LGI1: variants seen among roughly 807,000 people sequenced by gnomAD.
LGI1 encodes the protein leucine rich glioma inactivated 1, also known as leucine-rich glioma-inactivated protein 1.
A neutral mutation model predicts 57.7 loss-of-function variants in LGI1; 11 were observed. That is an observed-to-expected ratio of 0.19 (90% confidence interval 0.12 to 0.32). The LOEUF (loss-of-function observed/expected upper bound fraction) is 0.32, where lower values mean the gene tolerates loss of function less well. LGI1 is among the 10% of genes least tolerant of loss of function. LGI1 has a pLI of 1.00. For missense variants in LGI1, 422 were observed against 661.9 expected (o/e 0.64, Z 3.98); for synonymous variants, 222 against 241.9 (o/e 0.92, Z 0.76).
In LGI1 at chr10:93,758,198, A is replaced by G. The variant is rs2059584192; in HGVS notation, c.54A>G (p.Arg18=). ...GAAATGCCTGCATTCCCCTGAAAAGAATTGCTTATTTCCTATGTCTCTTAT... is the reference window on the plus strand; with the variant it reads ...GAAATGCCTGCATTCCCCTGAAAAGGATTGCTTATTTCCTATGTCTCTTAT... ...RMGNACIPLK[R]IAYFLCLLSA... The change falls in exon 1 of 8, where the codon AGA becomes AGG. Residue 18 remains arginine (R), a synonymous_variant. Coordinates refer to ENST00000371418, the MANE Select transcript of LGI1 (RefSeq NM_005097.4). This position sits in a 1 kb window ranked among gnomAD's most constrained non-coding sequence, Gnocchi z 4.7. The G allele has an allele frequency of 6.2e-7, 1 of 1,614,188 alleles. No individual in the cohort carries two copies. The highest frequency in any genetic ancestry group is 8.5e-7 in the Non-Finnish European group (1 of 1,180,026).
rs144101819 is a variant in LGI1 at position 93,785,756 on chromosome 10, A to T, written c.432-4343A>T. On this transcript the variant is annotated intron_variant, in intron 4 of 7. Coordinates refer to ENST00000371418, the MANE Select transcript of LGI1 (RefSeq NM_005097.4). Reference sequence around the variant, plus strand: ...TTTCTGGTAGCAAAACTCGGTGCAGAGGTGGAATCTGAAGAATCAAATAAT... The same window carrying T: ...TTTCTGGTAGCAAAACTCGGTGCAGTGGTGGAATCTGAAGAATCAAATAAT... Among the ~76,000 whole-genome samples the T allele has an allele frequency of 5.6e-3, 273 of 48,330 alleles. 73 individuals are homozygous for T. The highest frequency in any genetic ancestry group is 0.013 in the Admixed American group (38 of 2,884). The allele number at this position is 48,330 out of a possible 152,430, so 31.7% of individuals were successfully genotyped here.
chr10:93,759,536 T>C (rs2059602111), intron 2 of LGI1, among the ~76,000 whole-genome samples: 1 of 152,108 alleles, frequency 6.6e-6, no homozygotes, highest in Non-Finnish European at 1.5e-5. Flanking sequence ...ACACATAAAA[T>C]TTGTTCTGAT....
chr10:93,759,811 G>A (rs1414143406), intron 2 of LGI1, among the ~76,000 whole-genome samples: 2 of 152,134 alleles, frequency 1.3e-5, no homozygotes, highest in African/African-American at 4.8e-5. Context: ...ATACACAGAG[G>A]CAAACAGCAT....
chr10:93,764,591 G>A (rs2059655392), intron 2 of LGI1: 1 of 152,100 alleles, frequency 6.6e-6, no homozygotes, highest in African/African-American at 2.4e-5. Context: ...ACAGACTTGT[G>A]GGCAGATAAG....
intron 7 of LGI1, among the ~76,000 whole-genome samples, chr10:93,796,266 G>C (rs2059978839): frequency 1.3e-5 from 2 of 152,178 alleles, no homozygotes; most frequent in Non-Finnish European, 2.9e-5. Context: ...TTCTTTGCAG[G>C]GGAAAGGCAA....
At chr10:93,781,215 C>G (rs189191457) in intron 4 of LGI1, among the ~76,000 whole-genome samples, 2 of 151,806 alleles carry the variant, frequency 1.3e-5, no homozygotes, top group Non-Finnish European at 2.9e-5. Context: ...AAAAATTAGC[C>G]GGGCGTGGTG....
rs553729915 is a variant in LGI1, at chr10:93,773,840, T to C, written c.288-3539T>C. Among the ~76,000 whole-genome samples the C allele has an allele frequency of 3.1e-4, 47 of 152,268 alleles. No individual in the cohort carries two copies. In the South Asian group the frequency reaches 9.5e-3, roughly 31 times the overall value. ...AGAGGAGAAACCTCAAGTGTTCCCATGGAACTGGGGCAGAGGGCAAATTCC... is the reference window on the plus strand; with the variant it reads ...AGAGGAGAAACCTCAAGTGTTCCCACGGAACTGGGGCAGAGGGCAAATTCC... On this transcript the variant is annotated intron_variant, in intron 2 of 7. Transcript: ENST00000371418.
At chr10:93,762,285 G>A (rs2059632541) in intron 2 of LGI1, among the ~76,000 whole-genome samples, 3 of 152,136 alleles carry the variant, frequency 2.0e-5, no homozygotes, top group Admixed American at 1.3e-4. Context: ...CAAAGGAGGG[G>A]AATAGCGTTA....
At chr10:93,762,816 G>A (rs548953416) in intron 2 of LGI1, 2 of 152,194 alleles carry the variant, frequency 1.3e-5, no homozygotes, top group East Asian at 3.9e-4. Flanking sequence ...TCCATGTACA[G>A]GTTTGTTACT....
Position 93,796,188 on chromosome 10 carries a change from C to T in LGI1, c.839-780C>T, listed in dbSNP as rs537842970. ...CTTCTTTCGATTTTTTTAAAGATTCCTTTTCCTTCTCTTCACTCCTGCCAC... is the reference window on the plus strand; with the variant it reads ...CTTCTTTCGATTTTTTTAAAGATTCTTTTTCCTTCTCTTCACTCCTGCCAC... On this transcript the variant is annotated intron_variant, in intron 7 of 7. Transcript: ENST00000371418. Among the ~76,000 whole-genome samples the T allele has an allele frequency of 2.4e-3, 368 of 152,278 alleles. 4 individuals carry two copies. Among genetic ancestry groups the T allele is most frequent in the African/African-American group, 8.6e-3 (358 of 41,560 alleles).
chr10:93,792,160 T>C (rs1419499674), intron 5 of LGI1: 2 of 152,574 alleles, frequency 1.3e-5, no homozygotes, highest in East Asian at 1.9e-4. Context: ...AATTTGGGTA[T>C]ATACACCTAT....
At chr10:93,793,460 C>G in intron 7 of LGI1, 110 bp downstream of exon 7, 1 of 965,780 alleles carries the variant, frequency 1.0e-6, no homozygotes, top group Non-Finnish European at 1.7e-6. Context: ...AATTCCAACT[C>G]TACCATTTGT....
intron 2 of LGI1, among the ~76,000 whole-genome samples, chr10:93,766,512 C>CTTTTTTTTTTTTTTTTTTTTTTT (rs71031537): frequency 1.2e-5 from 1 of 84,588 alleles, no homozygotes; most frequent in Non-Finnish European, 2.1e-5. Context: ...TTATAGATCT[C>CTTTTTTTTTTTTTTTTTTTTTTT]TTTTTTTTTT....
chr10:93,761,399 T>C (rs543383070), intron 2 of LGI1, among the ~76,000 whole-genome samples: 6 of 152,342 alleles, frequency 3.9e-5, no homozygotes, highest in South Asian at 2.1e-4. Flanking sequence ...TTCGGCTTGA[T>C]TGACGTAGGA....
rs1589776468 is a variant in LGI1, at chr10:93,798,080, T to C, written c.*277T>C. On this transcript the variant is annotated 3_prime_UTR_variant, in exon 8 of 8. Transcript: ENST00000371418. ...TGGTATCTGTTACTCCAAAAAGAAA[T>C]ATTAATATGTACTTTTCCATTTATT... 2.8e-5 allele frequency: 13 copies of C among 459,902 alleles called. No homozygotes were observed. The East Asian group carries it at 5.3e-4, about 19-fold the overall frequency. 28.5% of individuals were successfully genotyped at this position (459,902 alleles called of 1,614,324 possible). A position where few individuals can be genotyped will look rare whatever the true frequency, so the allele number is the denominator to read the frequency against.
Position 93,790,151 on chromosome 10 carries a change from C to T in LGI1, c.484C>T (p.Leu162=), listed in dbSNP as rs769981729. The part of the protein sequence containing the change: ...QTLPKDIFKG[L]DSLTNVDLRG... ...ACTCCCAAAAGATATTTTCAAAGGC[C>T]TGGATTCTTTAACAAATGTGTAAGA... Residue 162 remains leucine (L), a synonymous_variant, in exon 5 of 8, where the codon CTG becomes TTG. Transcript: ENST00000371418. The T allele has an allele frequency of 6.2e-7, 1 of 1,609,030 alleles. No individual in the cohort carries two copies. Among genetic ancestry groups the T allele is most frequent in the Admixed American group, 1.7e-5 (1 of 59,758 alleles).
chr10:93,792,848 C>T lies in LGI1; in HGVS notation c.609C>T (p.Pro203=), dbSNP rs750257566. 2.5e-6 allele frequency: 4 copies of T among 1,613,918 alleles called. No homozygotes were observed. The highest frequency in any genetic ancestry group is 2.7e-5 in the African/African-American group (2 of 74,876). The change falls in exon 6 of 8, where the codon CCC becomes CCT. Residue 203 remains proline, a synonymous_variant. Coordinates refer to ENST00000371418, the MANE Select transcript of LGI1 (RefSeq NM_005097.4). ...ATVEDIYCEG[P]PEYKKRKINS... ...TTGAAGACATCTACTGCGAAGGCCC[C>T]CCAGAATACAAGAAGCGCAAAATCA...
intron 4 of LGI1, among the ~76,000 whole-genome samples, chr10:93,781,651 A>G (rs1306538405): frequency 6.6e-6 from 1 of 152,184 alleles, no homozygotes; most frequent in Non-Finnish European, 1.5e-5. Flanking sequence ...TTTCTGATGA[A>G]TATATGTTAT....
In LGI1 at chr10:93,773,346, G is replaced by A. The variant is rs193233696; in HGVS notation, c.288-4033G>A. Among the ~76,000 whole-genome samples the A allele has an allele frequency of 8.5e-4, 130 of 152,302 alleles. 1 individual carries two copies. Among genetic ancestry groups the A allele is most frequent in the African/African-American group, 3.0e-3 (124 of 41,574 alleles). On this transcript the variant is annotated intron_variant, in intron 2 of 7. Coordinates refer to ENST00000371418, the MANE Select transcript of LGI1 (RefSeq NM_005097.4). Reference sequence around the variant, plus strand: ...GACCTGTGCTGAGAGGCCACCCAGTGTGTGGAAAAGGGTACTGAACCAGGG... The same window carrying A: ...GACCTGTGCTGAGAGGCCACCCAGTATGTGGAAAAGGGTACTGAACCAGGG...
Sources: gnomAD v4.1 joint callset for allele counts (sites outside exome capture counted in the v4.1 genomes callset) on GRCh38, gnomAD v4.1.1 for gene constraint, Gnocchi (gnomAD v3.1) non-coding constraint, MANE v1.5 for transcripts, NCBI Gene and HGNC (gene_info 2026-07-23, HGNC 2026-07-21) for gene names.